Variants in APBB1IP observed in about 807,000 individuals in gnomAD.
APBB1IP encodes amyloid beta precursor protein binding family B member 1 interacting protein.
Under a neutral mutation model 64.9 loss-of-function variants are expected in APBB1IP, and 27 were observed. The ratio of observed to expected loss-of-function variants is 0.42; its 90% CI spans 0.31 to 0.57. The LOEUF (loss-of-function observed/expected upper bound fraction) is 0.57, where lower values mean the gene tolerates loss of function less well. Among genes scored for constraint, APBB1IP ranks in the 20% least tolerant of loss-of-function variants. APBB1IP has a pLI of 0.20. For missense variants in APBB1IP, 812 were observed against 845.5 expected, an observed-to-expected ratio of 0.96 and a Z score of 0.49; for synonymous variants, 392 against 331.0, an observed-to-expected ratio of 1.18 and a Z score of -2.00.
chr10:26,533,420 C>A lies in APBB1IP; in HGVS notation c.814-19C>A. On this transcript the variant is annotated intron_variant, in intron 8 of 14. Transcript: ENST00000376236. Reference sequence around the variant, plus strand: ...GGTAATGAACACTTACTGATCTGATCTTTTAACATTTTATTTAGAATTTCT... The same window carrying A: ...GGTAATGAACACTTACTGATCTGATATTTTAACATTTTATTTAGAATTTCT... 1 of 1,503,888 alleles carries A rather than the reference C, an allele frequency of 6.6e-7. No homozygotes were observed. The highest frequency in any genetic ancestry group is 1.4e-5 in the African/African-American group (1 of 71,900). 93.2% of individuals were successfully genotyped at this position (1,503,888 alleles called of 1,614,324 possible).
intron 11 of APBB1IP, among the ~76,000 whole-genome samples, chr10:26,557,216 C>T (rs926819833): frequency 1.3e-5 from 2 of 152,156 alleles, no homozygotes; most frequent in Non-Finnish European, 2.9e-5. Context: ...CATTGAACCG[C>T]CAAAACAGTA....
At position 26,552,660 on chromosome 10, in the gene APBB1IP, A is replaced by G. The variant is rs60079971; in HGVS notation, c.1156-7445A>G. On this transcript the variant is annotated intron_variant, in intron 11 of 14. Coordinates refer to ENST00000376236, the MANE Select transcript of APBB1IP (RefSeq NM_019043.4). The stretch of plus-strand genomic sequence containing the variant: ...AAAAAAAAAAGGAAGGATAAGAAAG[A>G]AAACGGAGAACAGGATTGAATCGTC... Among the ~76,000 whole-genome samples the G allele has an allele frequency of 6.1e-3, 932 of 152,202 alleles. 16 individuals are homozygous for G. The highest frequency in any genetic ancestry group is 0.056 in the South Asian group (269 of 4,822).
chr10:26,482,552 G>A (rs1049518937), intron 2 of APBB1IP, among the ~76,000 whole-genome samples: 8 of 152,110 alleles, frequency 5.3e-5, no homozygotes, highest in Admixed American at 2.6e-4. Context: ...TCTGTAGTGC[G>A]TATTTCATCC....
At chr10:26,459,255 C>A (rs1835562717) in intron 2 of APBB1IP, among the ~76,000 whole-genome samples, 2 of 151,902 alleles carry the variant, frequency 1.3e-5, no homozygotes. Flanking sequence ...CATGTCCCTA[C>A]AAAGGACATG....
chr10:26,476,475 A>C (rs1407228385), intron 2 of APBB1IP, among the ~76,000 whole-genome samples: 2 of 151,048 alleles, frequency 1.3e-5, no homozygotes, highest in African/African-American at 2.4e-5. Flanking sequence ...AGAAGAAAAG[A>C]AAAGAAAGGA....
chr10:26,528,967 G>A (rs1342763112), intron 8 of APBB1IP, among the ~76,000 whole-genome samples: 1 of 152,190 alleles, frequency 6.6e-6, no homozygotes, highest in Non-Finnish European at 1.5e-5. Flanking sequence ...TGTTTTACAT[G>A]TATAAAGGGT....
At chr10:26,555,863 T>A (rs559180493) in intron 11 of APBB1IP, among the ~76,000 whole-genome samples, 1 of 152,322 alleles carries the variant, frequency 6.6e-6, no homozygotes, top group East Asian at 1.9e-4. Flanking sequence ...CCTCTCAAAG[T>A]GCTGGGATTA....
intron 2 of APBB1IP, among the ~76,000 whole-genome samples, chr10:26,482,029 T>C (rs970673818): frequency 5.3e-5 from 8 of 152,204 alleles, no homozygotes; most frequent in African/African-American, 1.9e-4. Context: ...CCTGTTGTCT[T>C]GGCTGTCCCT....
chr10:26,464,777 G>A (rs540013070), intron 2 of APBB1IP, among the ~76,000 whole-genome samples: 6 of 152,158 alleles, frequency 3.9e-5, no homozygotes, highest in Admixed American at 1.3e-4. Context: ...ACCAAGTTAA[G>A]TAAGTTACTC....
rs1836288402 is a variant in APBB1IP at position 26,513,642 on chromosome 10, T to C, written c.795T>C (p.Ala265=). 6.2e-7 allele frequency: 1 copy of C among 1,612,266 alleles called. No homozygotes were observed. The highest frequency in any genetic ancestry group is 8.5e-7 in the Non-Finnish European group (1 of 1,179,558). Residue 265 remains alanine, a synonymous_variant, in exon 8 of 15, where the codon GCT becomes GCC. Coordinates refer to ENST00000376236, the MANE Select transcript of APBB1IP (RefSeq NM_019043.4). ...ILFLEKEEKY[A]VFKNPQNFYL... ...TTTTGGAGAAAGAGGAGAAATATGC[T>C]GTATTTAAAAACCCCCAGGTAAGAT...
At chr10:26,515,231 G>C (rs144440697) in intron 8 of APBB1IP, among the ~76,000 whole-genome samples, 176 of 152,180 alleles carry the variant, frequency 1.2e-3, no homozygotes, top group Middle Eastern at 6.8e-3. Flanking sequence ...CTAAATTGCT[G>C]TAGCAAAGAG....
intron 2 of APBB1IP, among the ~76,000 whole-genome samples, chr10:26,474,079 A>T (rs868569292): frequency 1.7e-4 from 25 of 150,354 alleles, no homozygotes; most frequent in African/African-American, 6.1e-4. Flanking sequence ...GGTTTCAGTG[A>T]TTTTTTTTAA....
chr10:26,477,693 G>A (rs1047633402), intron 2 of APBB1IP, among the ~76,000 whole-genome samples: 3 of 152,170 alleles, frequency 2.0e-5, no homozygotes, highest in Admixed American at 6.5e-5. Flanking sequence ...GAATAACACG[G>A]CCTCGACTCC....
chr10:26,504,517 C>A (rs1253775250), intron 6 of APBB1IP, among the ~76,000 whole-genome samples: 2 of 152,084 alleles, frequency 1.3e-5, no homozygotes, highest in Admixed American at 1.3e-4. Context: ...TAAGACCAGC[C>A]TGGCCAACAT....
At chr10:26,501,356 A>G in intron 5 of APBB1IP, 3 of 552,836 alleles carry the variant, frequency 5.4e-6, no homozygotes, top group Middle Eastern at 9.3e-4. Flanking sequence ...AAATATTTGT[A>G]TGCAAAAACT....
At chr10:26,454,543 G>C (rs1017034775) in intron 2 of APBB1IP, among the ~76,000 whole-genome samples, 3 of 124,842 alleles carry the variant, frequency 2.4e-5, no homozygotes, top group East Asian at 4.5e-4. Flanking sequence ...TGGAGGTAGA[G>C]AGTAGAAGGA....
chr10:26,522,300 A>G (rs1836412539), intron 8 of APBB1IP, among the ~76,000 whole-genome samples: 1 of 152,130 alleles, frequency 6.6e-6, no homozygotes, highest in Admixed American at 6.5e-5. Flanking sequence ...ACACACACAC[A>G]GCTTCCCCCA....
chr10:26,486,726 A>C (rs147118280), intron 2 of APBB1IP, among the ~76,000 whole-genome samples: 1 of 152,192 alleles, frequency 6.6e-6, no homozygotes, highest in Admixed American at 6.5e-5. Context: ...CGATATAAAC[A>C]TATGTCCTGT....
At chr10:26,519,784 A>G (rs1364383841) in intron 8 of APBB1IP, among the ~76,000 whole-genome samples, 1 of 152,218 alleles carries the variant, frequency 6.6e-6, no homozygotes, top group Non-Finnish European at 1.5e-5. Context: ...GAAGTGGCCA[A>G]TTTTAAGTAA....
Sources: gnomAD v4.1 joint callset for allele counts (sites outside exome capture counted in the v4.1 genomes callset) on GRCh38, gnomAD v4.1.1 for gene constraint, MANE v1.5 for transcripts, NCBI Gene and HGNC (gene_info 2026-07-23, HGNC 2026-07-21) for gene names.